STK3: variants seen among roughly 807,000 people sequenced by gnomAD.
STK3 encodes the protein serine/threonine kinase 3.
In STK3, 41 loss-of-function variants were observed where a neutral mutation model predicts 58.0. The ratio of observed to expected loss-of-function variants is 0.71; its 90% CI spans 0.55 to 0.92. The LOEUF (loss-of-function observed/expected upper bound fraction) is 0.92. STK3 is among the 40% of genes least tolerant of loss of function. The pLI is 0.00. For synonymous variants in STK3, 170 were observed against 191.0 expected, an observed-to-expected ratio of 0.89 and a Z score of 0.91; for missense variants, 479 against 602.7, an observed-to-expected ratio of 0.79 and a Z score of 2.15.
intron 10 of STK3, among the ~76,000 whole-genome samples, chr8:98,459,359 A>C (rs949470339): frequency 1.3e-5 from 2 of 152,252 alleles, no homozygotes; most frequent in African/African-American, 4.8e-5. Context: ...TGCTCTTAAA[A>C]GCATTCAGTT....
intron 9 of STK3, among the ~76,000 whole-genome samples, chr8:98,533,481 G>C (rs1809491125): frequency 6.6e-6 from 1 of 151,950 alleles, no homozygotes; most frequent in Non-Finnish European, 1.5e-5. Context: ...TGGATGGGTG[G>C]GTGGACTGAC....
intron 1 of STK3, among the ~76,000 whole-genome samples, chr8:98,821,205 T>A (rs959213349): frequency 1.3e-5 from 2 of 152,112 alleles, no homozygotes; most frequent in Admixed American, 6.5e-5. Flanking sequence ...ATCAGTAGCA[T>A]TAGATTCTCA....
intron 3 of STK3, among the ~76,000 whole-genome samples, chr8:98,877,160 A>G (rs2131888681): frequency 6.6e-6 from 1 of 152,360 alleles, no homozygotes; most frequent in African/African-American, 2.4e-5. Flanking sequence ...TAAAGATTCA[A>G]AGTAAACAGG....
intron 10 of STK3, among the ~76,000 whole-genome samples, chr8:98,459,307 A>C (rs1203184859): frequency 6.6e-6 from 1 of 152,234 alleles, no homozygotes; most frequent in African/African-American, 2.4e-5. Flanking sequence ...TATCTGGGGG[A>C]ATAAATTTCT....
At chr8:98,451,834 C>T (rs749555106), downstream of STK3, among the ~76,000 whole-genome samples, 68 of 147,470 alleles carry the variant, frequency 4.6e-4, 1 homozygote, top group Non-Finnish European at 9.5e-4. Context: ...GTTGCCCAAA[C>T]GGCAAAGAAA....
intron 10 of STK3, among the ~76,000 whole-genome samples, chr8:98,468,536 G>A (rs573126534): frequency 6.6e-6 from 1 of 152,240 alleles, no homozygotes. Flanking sequence ...AAGCAAAATC[G>A]TCGCCTGAAT....
At chr8:98,641,851 T>TA (rs1820043898) in intron 6 of STK3, among the ~76,000 whole-genome samples, 1 of 152,186 alleles carries the variant, frequency 6.6e-6, no homozygotes, top group Non-Finnish European at 1.5e-5. Context: ...AACACAGGCA[T>TA]TCCAACCTGA....
At chr8:98,938,755 G>A (rs1207917945) in intron 1 of STK3, among the ~76,000 whole-genome samples, 1 of 152,176 alleles carries the variant, frequency 6.6e-6, no homozygotes, top group Admixed American at 6.5e-5. Context: ...CTGCAGGGAG[G>A]GTTGGCAAGG....
chr8:98,696,566 A>G (rs1012548107), intron 6 of STK3, among the ~76,000 whole-genome samples: 2 of 152,168 alleles, frequency 1.3e-5, no homozygotes. Context: ...TTTAGCATGA[A>G]GCATTGTTGA....
intron 1 of STK3, among the ~76,000 whole-genome samples, chr8:98,939,555 CA>C (rs1231877794): frequency 1.3e-5 from 2 of 152,222 alleles, no homozygotes; most frequent in Non-Finnish European, 2.9e-5. Context: ...AGGCAATCTT[CA>C]GCCGGCCTTT....
At chr8:98,590,870 T>C (rs1815250037) in intron 7 of STK3, among the ~76,000 whole-genome samples, 1 of 152,242 alleles carries the variant, frequency 6.6e-6, no homozygotes, top group African/African-American at 2.4e-5. Context: ...TGCCATTTTA[T>C]CACAATTGTT....
At chr8:98,394,891 T>A (rs1817884047) in intron 3 of STK3, among the ~76,000 whole-genome samples, 1 of 152,174 alleles carries the variant, frequency 6.6e-6, no homozygotes, top group Non-Finnish European at 1.5e-5. Context: ...ACATGACTAG[T>A]GGAGTCAATG....
rs59274441 is a variant in STK3 at position 98,840,583 on chromosome 8, GTATATATATATATATATATATA to G, written c.110+43042_110+43063del. 1.7e-3 allele frequency among the ~76,000 whole-genome samples: 134 copies of G among 80,116 alleles called. 2 individuals are homozygous for G. Among genetic ancestry groups the G allele is most frequent in the East Asian group, 0.013 (40 of 3,160 alleles). 52.6% of individuals were successfully genotyped at this position (80,116 alleles called of 152,430 possible). A position where few individuals can be genotyped will look rare whatever the true frequency, so the allele number is the denominator to read the frequency against. On this transcript the variant is annotated intron_variant, in intron 3 of 12. Transcript: ENST00000523601. ...TGACAACCTGTCTCAAGAAAAAAAT[GTATATATATATATATATATATA>G]TATATATATATATATATATATATAC...
chr8:98,853,749 A>G (rs1836566373), intron 3 of STK3, among the ~76,000 whole-genome samples: 1 of 152,264 alleles, frequency 6.6e-6, no homozygotes, highest in South Asian at 2.1e-4. Flanking sequence ...GAAAGATACA[A>G]ACTACTGAAA....
intron 10 of STK3, among the ~76,000 whole-genome samples, chr8:98,489,845 A>G (rs1822555686): frequency 6.6e-6 from 1 of 152,182 alleles, no homozygotes; most frequent in African/African-American, 2.4e-5. Flanking sequence ...TTTTTTACAA[A>G]AGTGTGTTTG....
chr8:98,377,834 G>A (rs1377033145), intron 2 of STK3, among the ~76,000 whole-genome samples: 1 of 152,138 alleles, frequency 6.6e-6, no homozygotes, highest in Non-Finnish European at 1.5e-5. Context: ...CCCTGTAGTC[G>A]AGGCTTTGCA....
chr8:98,703,322 A>G (rs1167033046), intron 6 of STK3, among the ~76,000 whole-genome samples: 2 of 152,160 alleles, frequency 1.3e-5, no homozygotes, highest in African/African-American at 2.4e-5. Flanking sequence ...GTCATCTTAA[A>G]TAACATAATC....
rs760398981 is a variant in STK3 at position 98,795,807 on chromosome 8, A to AATACAATACG, written c.27-20989_27-20988insCGTATTGTAT. ...TTACAATGGCCACAAAATACAATAC[A>AATACAATACG]ATACAATACAATACAATACAATACA... On this transcript the variant is annotated intron_variant, in intron 1 of 10. Transcript: ENST00000419617. 7.4e-3 allele frequency among the ~76,000 whole-genome samples: 783 copies of AATACAATACG among 105,252 alleles called. 7 individuals are homozygous for AATACAATACG. The highest frequency in any genetic ancestry group is 0.021 in the East Asian group (82 of 3,936). The allele number at this position is 105,252 out of a possible 152,430, so 69.0% of individuals were successfully genotyped here.
At chr8:98,801,486 G>A (rs1407647731) in intron 1 of STK3, among the ~76,000 whole-genome samples, 10 of 151,934 alleles carry the variant, frequency 6.6e-5, no homozygotes, top group African/African-American at 1.2e-4. Flanking sequence ...CACTCACCTC[G>A]AAGGTCTGCA....
Sources: allele counts gnomAD v4.1 joint callset (sites outside exome capture counted in the v4.1 genomes callset), GRCh38; gene constraint gnomAD v4.1.1; transcripts MANE v1.5; gene names NCBI Gene and HGNC (gene_info 2026-07-23, HGNC 2026-07-21).